PRMT8: variants seen among roughly 807,000 people sequenced by gnomAD.
PRMT8 encodes protein arginine N-methyltransferase 8.
A neutral mutation model predicts 47.1 loss-of-function variants in PRMT8; 7 were observed. The observed-to-expected ratio is 0.15, with a 90% CI of 0.08 to 0.28. The LOEUF (loss-of-function observed/expected upper bound fraction) is 0.28, where lower values mean the gene tolerates loss of function less well. Ranked by LOEUF, PRMT8 falls within the 10% of genes least tolerant of loss-of-function variation. The probability of loss-of-function intolerance (pLI) is 1.00; values close to 1 mark genes in which losing one functional copy is unlikely to be tolerated. For missense variants in PRMT8, 237 were observed against 505.4 expected (o/e 0.47, Z 5.09); for synonymous variants, 188 against 186.5 (o/e 1.01, Z -0.07).
At chr12:3,461,476 G>C (rs1024397266) in intron 1 of PRMT8, among the ~76,000 whole-genome samples, 2 of 152,168 alleles carry the variant, frequency 1.3e-5, no homozygotes, top group East Asian at 3.8e-4. Flanking sequence ...TGATTTAAGG[G>C]CCAACTGCTC....
At chr12:3,394,997 G>T (rs998230439) in intron 1 of PRMT8, among the ~76,000 whole-genome samples, 4 of 151,896 alleles carry the variant, frequency 2.6e-5, no homozygotes, top group Non-Finnish European at 5.9e-5. Context: ...GTTTATTTGC[G>T]TAGAGGTGTT....
chr12:3,575,452 G>A (rs574798005), intron 6 of PRMT8, among the ~76,000 whole-genome samples: 52 of 152,358 alleles, frequency 3.4e-4, no homozygotes, highest in Non-Finnish European at 7.1e-4. Context: ...GTCTGCTAAA[G>A]CTGTCCTCTC....
chr12:3,432,039 C>A (rs1345176403), intron 1 of PRMT8, among the ~76,000 whole-genome samples: 1 of 152,182 alleles, frequency 6.6e-6, no homozygotes, highest in Non-Finnish European at 1.5e-5. Context: ...TCTTTCTCAG[C>A]CTGTGGGGCA....
At chr12:3,560,724 T>C (rs1331576437) in intron 4 of PRMT8, among the ~76,000 whole-genome samples, 1 of 152,198 alleles carries the variant, frequency 6.6e-6, no homozygotes, top group Non-Finnish European at 1.5e-5. Context: ...ATAAATGTCA[T>C]AGCTACAAGA....
intron 1 of PRMT8, among the ~76,000 whole-genome samples, chr12:3,433,041 G>A (rs1469740319): frequency 6.6e-6 from 1 of 152,180 alleles, no homozygotes; most frequent in Non-Finnish European, 1.5e-5. Context: ...CTGCTCTCCA[G>A]GATGTGCAAT....
rs1029832555 is a variant in PRMT8 at position 3,564,949 on chromosome 12, A to G, written c.482-3757A>G. On this transcript the variant is annotated intron_variant, in intron 4 of 9. Transcript: ENST00000382622. This position sits in a 1 kb window ranked among gnomAD's most constrained non-coding sequence, Gnocchi z 4.0. ...TAGCATTTTGTAGATTGGAAAATTG[A>G]ATCTGGAAGTTTAAGTGGTTGCTGG... Among the ~76,000 whole-genome samples, 1 of 152,232 alleles carries G rather than the reference A, an allele frequency of 6.6e-6. No individual in the cohort carries two copies. The highest frequency in any genetic ancestry group is 2.4e-5 in the African/African-American group (1 of 41,454).
At position 3,545,762 on chromosome 12, in the gene PRMT8, T is replaced by C. The variant is rs548487162; in HGVS notation, c.262-4174T>C. On this transcript the variant is annotated intron_variant, in intron 2 of 9. Coordinates refer to ENST00000382622, the MANE Select transcript of PRMT8 (RefSeq NM_019854.5). Reference sequence around the variant, plus strand: ...AAAAAGGGAAATCTCCAGTCATAGTTAAATATTTTTAACACTTCTGTCTTG... The same window carrying C: ...AAAAAGGGAAATCTCCAGTCATAGTCAAATATTTTTAACACTTCTGTCTTG... 2.0e-4 allele frequency among the ~76,000 whole-genome samples: 31 copies of C among 152,334 alleles called. No individual in the cohort carries two copies. The South Asian group carries it at 5.8e-3, about 28-fold the overall frequency.
chr12:3,471,023 C>T (rs990397693), intron 1 of PRMT8, among the ~76,000 whole-genome samples: 7 of 152,140 alleles, frequency 4.6e-5, no homozygotes, highest in Admixed American at 6.5e-5. Flanking sequence ...GATGGTGACA[C>T]GTGTCTAAAG....
At chr12:3,554,880 T>C (rs1866497867) in intron 4 of PRMT8, among the ~76,000 whole-genome samples, 2 of 152,158 alleles carry the variant, frequency 1.3e-5, no homozygotes, top group Admixed American at 6.5e-5. Context: ...AGAATTCCTC[T>C]GCCCTCCTAG....
intron 1 of PRMT8, among the ~76,000 whole-genome samples, chr12:3,444,959 C>T (rs921068791): frequency 6.6e-6 from 1 of 152,346 alleles, no homozygotes; most frequent in Non-Finnish European, 1.5e-5. Flanking sequence ...GTGATCCCCT[C>T]GTTCCCTTTA....
chr12:3,522,568 G>T (rs547975327), intron 1 of PRMT8, among the ~76,000 whole-genome samples: 1 of 151,752 alleles, frequency 6.6e-6, no homozygotes, highest in South Asian at 2.1e-4. Flanking sequence ...AGAGGCTGAG[G>T]CAGAGAATTG....
rs1202264848 is a variant in PRMT8 at position 3,538,647 on chromosome 12, T to G, written c.76-1959T>G. The G allele has an allele frequency of 1.9e-6, 1 of 518,992 alleles. No individual in the cohort carries two copies. 32.1% of individuals were successfully genotyped at this position (518,992 alleles called of 1,614,324 possible). A position where few individuals can be genotyped will look rare whatever the true frequency, so the allele number is the denominator to read the frequency against. On this transcript the variant is annotated intron_variant, in intron 1 of 9. Transcript: ENST00000382622. The surrounding 1 kb of genome is among the most constrained non-coding windows in gnomAD (Gnocchi z 4.6). ...CTCCGACTTTTTCCTCTCCTTCACA[T>G]ATTTAAATGGAGTCGATATTGGGGT... is the stretch of plus-strand genomic sequence containing the variant.
rs1282903828 is a variant in PRMT8, at chr12:3,542,792, A to G, written c.261+2001A>G. On this transcript the variant is annotated intron_variant, in intron 2 of 9. Transcript: ENST00000382622. ...ACCTTTGGCGTTTAGAGTGTGCTCC[A>G]CTAGGCTATTACCGATCTCTATAAT... Among the ~76,000 whole-genome samples, 4 of 152,210 alleles carry G rather than the reference A, an allele frequency of 2.6e-5. No homozygotes were observed. In the East Asian group the frequency reaches 5.8e-4, roughly 22 times the overall value.
chr12:3,536,646 G>C (rs961775480), intron 1 of PRMT8, among the ~76,000 whole-genome samples: 1 of 152,214 alleles, frequency 6.6e-6, no homozygotes, highest in Non-Finnish European at 1.5e-5. Flanking sequence ...GATCTGCACA[G>C]CTTCCTGAGC....
intron 4 of PRMT8, among the ~76,000 whole-genome samples, chr12:3,565,460 C>A (rs993706544): frequency 6.6e-6 from 1 of 152,132 alleles, no homozygotes; most frequent in African/African-American, 2.4e-5. Flanking sequence ...GAGATGGGTC[C>A]TTTTCCTTTG....
intron 1 of PRMT8, among the ~76,000 whole-genome samples, chr12:3,412,281 G>C (rs1864438911): frequency 6.6e-6 from 1 of 152,204 alleles, no homozygotes. Flanking sequence ...TTGTACACCT[G>C]TACAGGGCAC....
In PRMT8 at chr12:3,513,104, C is replaced by A. The variant is rs147587962; in HGVS notation, c.75+21404C>A. ...AGTGTCTCAGTTGCTCTGCGTCTAC[C>A]ATGCAGCACTCTCCTTGGAAAGGAA... On this transcript the variant is annotated intron_variant, in intron 1 of 9. Coordinates refer to ENST00000382622, the MANE Select transcript of PRMT8 (RefSeq NM_019854.5). Among the ~76,000 whole-genome samples, 56 of 152,280 alleles carry A rather than the reference C, an allele frequency of 3.7e-4. No homozygotes were observed. In the East Asian group the frequency reaches 0.011, roughly 29 times the overall value.
At chr12:3,519,701 G>A (rs1865852117) in intron 1 of PRMT8, among the ~76,000 whole-genome samples, 1 of 152,128 alleles carries the variant, frequency 6.6e-6, no homozygotes, top group Non-Finnish European at 1.5e-5. Context: ...AGAAAGGCTG[G>A]GGGGCTACAT....
rs530961442 is a variant in PRMT8, at chr12:3,432,588, T to A, written c.48+51146T>A. On this transcript the variant is annotated intron_variant, in intron 1 of 9. Coordinates refer to the PRMT8 transcript ENST00000452611. ...GGAAGGGCTGGAGGGAGGAGACAGCTCAGGAGGCCGATGGGGCTGGAAAGC... is the reference window on the plus strand; with the variant it reads ...GGAAGGGCTGGAGGGAGGAGACAGCACAGGAGGCCGATGGGGCTGGAAAGC... Among the ~76,000 whole-genome samples the A allele has an allele frequency of 1.3e-4, 19 of 151,174 alleles. No individual in the cohort carries two copies. In the East Asian group the frequency reaches 2.6e-3, roughly 20 times the overall value.
Sources: gnomAD v4.1 joint callset for allele counts (sites outside exome capture counted in the v4.1 genomes callset) on GRCh38, gnomAD v4.1.1 for gene constraint, Gnocchi (gnomAD v3.1) non-coding constraint, MANE v1.5 for transcripts, NCBI Gene and HGNC (gene_info 2026-07-23, HGNC 2026-07-21) for gene names.